MICU1: variants seen among roughly 807,000 people sequenced by gnomAD.
MICU1 encodes mitochondrial calcium uptake 1.
Under a neutral mutation model 56.8 loss-of-function variants are expected in MICU1, and 45 were observed. The ratio of observed to expected loss-of-function variants is 0.79; its 90% confidence interval spans 0.62 to 1.02. The LOEUF (loss-of-function observed/expected upper bound fraction) is 1.02, where lower values mean the gene tolerates loss of function less well. MICU1 is among the 50% of genes least tolerant of loss of function. The pLI is 0.00. For synonymous variants in MICU1, 186 were observed against 195.1 expected, an observed-to-expected ratio of 0.95 and a Z score of 0.39; for missense variants, 504 against 587.1, an observed-to-expected ratio of 0.86 and a Z score of 1.46.
chr10:72,595,733 A>G (rs1768495117), intron 1 of MICU1, among the ~76,000 whole-genome samples: 1 of 152,176 alleles, frequency 6.6e-6, no homozygotes. Context: ...AGGTCTGGAC[A>G]AGCTAAAGGA....
chr10:72,432,532 T>C (rs1864574484), intron 8 of MICU1, among the ~76,000 whole-genome samples: 2 of 152,282 alleles, frequency 1.3e-5, no homozygotes, highest in Non-Finnish European at 1.5e-5. Flanking sequence ...CTGCAGGCTA[T>C]AGGGGAAGGA....
chr10:72,435,524 T>TCTCACTGG lies in MICU1; in HGVS notation c.934-12161_934-12154dup, dbSNP rs1384430315. Among the ~76,000 whole-genome samples the TCTCACTGG allele has an allele frequency of 9.8e-4, 149 of 152,014 alleles. 1 individual carries two copies. The highest frequency in any genetic ancestry group is 3.2e-3 in the African/African-American group (131 of 41,490). On this transcript the variant is annotated intron_variant, in intron 8 of 11. Coordinates refer to ENST00000361114, the MANE Select transcript of MICU1 (RefSeq NM_001195518.2). Reference sequence around the variant, plus strand: ...ATTTCCAATTGAGGTATCTGGTTCATCTCACTGGGACTGGTTGGATAGTGG... The same window carrying TCTCACTGG: ...ATTTCCAATTGAGGTATCTGGTTCATCTCACTGGCTCACTGGGACTGGTTGGATAGTGG...
chr10:72,542,965 A>G (rs377279304), intron 4 of MICU1, among the ~76,000 whole-genome samples: 111 of 152,346 alleles, frequency 7.3e-4, no homozygotes, highest in South Asian at 5.0e-3. Context: ...ACTCTTCACC[A>G]AAAAGTCAAG....
At chr10:72,381,438 C>A (rs1427434461) in intron 10 of MICU1, among the ~76,000 whole-genome samples, 1 of 152,166 alleles carries the variant, frequency 6.6e-6, no homozygotes, top group East Asian at 1.9e-4. Context: ...GTATCTCCTT[C>A]CATGAGCTTT....
chr10:72,477,613 A>G, intron 6 of MICU1: 1 of 1,408,276 alleles, frequency 7.1e-7, no homozygotes, highest in South Asian at 1.2e-5. Context: ...TCTGGGCAAG[A>G]AAGTATGTCT....
At chr10:72,370,691 A>G (rs1278081799) in intron 11 of MICU1, among the ~76,000 whole-genome samples, 1 of 152,184 alleles carries the variant, frequency 6.6e-6, no homozygotes, top group Non-Finnish European at 1.5e-5. Flanking sequence ...TGGTTATACA[A>G]GTGTGTTCAG....
At chr10:72,485,623 T>G (rs11816882) in intron 6 of MICU1, among the ~76,000 whole-genome samples, 1 of 151,160 alleles carries the variant, frequency 6.6e-6, no homozygotes, top group Non-Finnish European at 1.5e-5. Flanking sequence ...CAAATCCAAA[T>G]AGTCCACTAG....
intron 10 of MICU1, among the ~76,000 whole-genome samples, chr10:72,385,337 TA>T (rs1862851103): frequency 6.6e-6 from 1 of 151,756 alleles, no homozygotes; most frequent in Non-Finnish European, 1.5e-5. Flanking sequence ...TAAAAATATA[TA>T]AATTAGCTGG....
At chr10:72,601,552 C>T (rs1462025461) in intron 1 of MICU1, among the ~76,000 whole-genome samples, 1 of 151,410 alleles carries the variant, frequency 6.6e-6, no homozygotes, top group Non-Finnish European at 1.5e-5. Context: ...AAGAAATTAT[C>T]TTTTCCCCAT....
chr10:72,474,976 C>A, intron 8 of MICU1, 124 bp downstream of exon 8: 1 of 785,442 alleles, frequency 1.3e-6, no homozygotes, highest in Non-Finnish European at 2.0e-6. Context: ...TTATAAAGCA[C>A]TGATAAGCTT....
intron 4 of MICU1, 139 bp downstream of exon 4, chr10:72,551,040 C>T: frequency 1.1e-5 from 9 of 851,580 alleles, no homozygotes; most frequent in Non-Finnish European, 1.5e-5. Context: ...AAGCCTAGCA[C>T]AATGCCTGAT....
intron 6 of MICU1, among the ~76,000 whole-genome samples, chr10:72,479,825 C>T (rs990517984): frequency 6.6e-6 from 1 of 152,190 alleles, no homozygotes; most frequent in African/African-American, 2.4e-5. Flanking sequence ...CAGCACCCGG[C>T]TGGTTTGTCA....
At chr10:72,598,784 T>C (rs1241284634) in intron 1 of MICU1, among the ~76,000 whole-genome samples, 2 of 152,176 alleles carry the variant, frequency 1.3e-5, no homozygotes, top group Non-Finnish European at 2.9e-5. Context: ...TTAAAATTTA[T>C]TCCTAAATAT....
intron 4 of MICU1, 135 bp downstream of exon 4, chr10:72,551,044 G>A: frequency 2.3e-6 from 2 of 863,234 alleles, no homozygotes; most frequent in South Asian, 2.8e-5. Flanking sequence ...CTAGCACAAT[G>A]CCTGATATTC....
intron 6 of MICU1, among the ~76,000 whole-genome samples, chr10:72,490,631 T>C (rs1265480771): frequency 6.6e-6 from 1 of 152,192 alleles, no homozygotes; most frequent in African/African-American, 2.4e-5. Flanking sequence ...CTTTCCATGA[T>C]GTGTTCTAGC....
chr10:72,533,245 A>T, intron 5 of MICU1: 1 of 755,282 alleles, frequency 1.3e-6, no homozygotes, highest in Non-Finnish European at 1.9e-6. Flanking sequence ...ATAATTTGTT[A>T]TATTATTTAT....
intron 2 of MICU1, among the ~76,000 whole-genome samples, chr10:72,566,014 T>C (rs1469095198): frequency 6.6e-6 from 1 of 150,596 alleles, no homozygotes; most frequent in Non-Finnish European, 1.5e-5. Context: ...CACCAAATTG[T>C]GAAGTCTCAG....
intron 2 of MICU1, among the ~76,000 whole-genome samples, chr10:72,566,114 G>GCTCACTGCAACCTCCACCTGC (rs1445617064): frequency 1.4e-5 from 2 of 138,594 alleles, no homozygotes; most frequent in Non-Finnish European, 3.0e-5. Flanking sequence ...CACAATCTTG[G>GCTCACTGCAACCTCCACCTGC]CTCACTGCAA....
rs899199221 is a variant in MICU1 at position 72,379,569 on chromosome 10, A to G, written c.1181-3697T>C. On this transcript the variant is annotated intron_variant, in intron 10 of 11. Coordinates refer to ENST00000361114, the MANE Select transcript of MICU1 (RefSeq NM_001195518.2). Reference sequence around the variant, plus strand: ...TCAAGTACTCATCTTCTCCCCATGAAGATGGTGCCCTTTCCTGTAAATAAA... The same window carrying G: ...TCAAGTACTCATCTTCTCCCCATGAGGATGGTGCCCTTTCCTGTAAATAAA... The G allele has an allele frequency of 1.0e-4, 43 of 430,498 alleles. No individual in the cohort carries two copies. In the Admixed American group the frequency reaches 1.1e-3, roughly 11 times the overall value. The allele number at this position is 430,498 out of a possible 1,614,324, so 26.7% of individuals were successfully genotyped here. A position where few individuals can be genotyped will look rare whatever the true frequency, so the allele number is the denominator to read the frequency against.
Sources: allele counts gnomAD v4.1 joint callset (sites outside exome capture counted in the v4.1 genomes callset), GRCh38; gene constraint gnomAD v4.1.1; transcripts MANE v1.5; gene names NCBI Gene and HGNC (gene_info 2026-07-23, HGNC 2026-07-21).